IFT81: variants seen among roughly 807,000 people sequenced by gnomAD.
IFT81 encodes intraflagellar transport protein 81 homolog.
A neutral mutation model predicts 102.6 loss-of-function variants in IFT81; 72 were observed. The observed-to-expected ratio is 0.70, with a 90% confidence interval of 0.58 to 0.85. The LOEUF (loss-of-function observed/expected upper bound fraction) is 0.85, where lower values mean the gene tolerates loss of function less well. Among genes scored for constraint, IFT81 ranks in the 40% least tolerant of loss-of-function variants. IFT81 has a pLI of 0.00. For missense variants in IFT81, 723 were observed against 787.3 expected, an observed-to-expected ratio of 0.92 and a Z score of 0.98; for synonymous variants, 237 against 242.7, an observed-to-expected ratio of 0.98 and a Z score of 0.22.
Position 110,163,082 on chromosome 12 carries a change from C to G in IFT81, c.1188+17C>G, listed in dbSNP as rs202050569. ...GGAGATGAGGTAAGCTGAGCCATCTCATGGGACAAGGGTATGAGTATTGTT... is the reference window on the plus strand; with the variant it reads ...GGAGATGAGGTAAGCTGAGCCATCTGATGGGACAAGGGTATGAGTATTGTT... On this transcript the variant is annotated intron_variant, in intron 11 of 18. Coordinates refer to ENST00000242591, the MANE Select transcript of IFT81 (RefSeq NM_014055.4). 2.1e-4 allele frequency: 340 copies of G among 1,609,450 alleles called. 1 individual carries two copies. The highest frequency in any genetic ancestry group is 3.3e-4 in the Middle Eastern group (2 of 6,050).
chr12:110,203,666 A>G (rs1308213402), intron 14 of IFT81, 198 bp from the exon 15 acceptor site: 4 of 594,500 alleles, frequency 6.7e-6, no homozygotes, highest in African/African-American at 1.8e-5. Flanking sequence ...ACACAGCTCA[A>G]TACATGGTAG....
chr12:110,143,496 T>C lies in IFT81; in HGVS notation c.896T>C (p.Val299Ala). 6.4e-7 allele frequency: 1 copy of C among 1,551,276 alleles called. No homozygotes were observed. Among genetic ancestry groups the C allele is most frequent in the African/African-American group, 1.4e-5 (1 of 70,864 alleles). The change falls in exon 9 of 19, where the codon GTT becomes GCT. Residue 299 changes from valine (V) to alanine (A), a missense_variant. Val to Ala is a moderately conservative substitution (Grantham distance 64). Coordinates refer to ENST00000242591, the MANE Select transcript of IFT81 (RefSeq NM_014055.4). ...GAATTACATTTTTTACAAAAAGTAG[T>C]TTCAGAGCCAGCTATGGGCCATTCT... ...KKELHFLQKVVSEPAMGHSDL... is the reference protein window; with the variant it reads ...KKELHFLQKVASEPAMGHSDL...
At chr12:110,131,140 A>C (rs567523703) in intron 4 of IFT81, among the ~76,000 whole-genome samples, 1 of 152,016 alleles carries the variant, frequency 6.6e-6, no homozygotes, top group Non-Finnish European at 1.5e-5. Context: ...AAATTAGCCC[A>C]GCATGGTGAC....
At chr12:110,202,385 A>C (rs904936693) in intron 14 of IFT81, among the ~76,000 whole-genome samples, 1 of 152,222 alleles carries the variant, frequency 6.6e-6, no homozygotes, top group African/African-American at 2.4e-5. Context: ...TAAAGAAAAC[A>C]AAATTTAAAT....
intron 14 of IFT81, among the ~76,000 whole-genome samples, chr12:110,194,216 G>C (rs374230907): frequency 6.6e-6 from 1 of 152,126 alleles, no homozygotes; most frequent in Non-Finnish European, 1.5e-5. Context: ...ACAGTTTGAC[G>C]TGAGATTTGG....
intron 15 of IFT81, chr12:110,204,582 T>C (rs746933796): frequency 2.0e-5 from 3 of 152,986 alleles, no homozygotes; most frequent in Non-Finnish European, 4.4e-5. Flanking sequence ...GCCAAGCTTG[T>C]TTTCACTTTG....
intron 12 of IFT81, 126 bp downstream of exon 12, chr12:110,180,697 T>A: frequency 1.6e-6 from 1 of 607,064 alleles, no homozygotes; most frequent in Non-Finnish European, 2.6e-6. Flanking sequence ...TCTGATTAAT[T>A]ACAGACATGA....
chr12:110,159,442 G>A (rs190190812), intron 10 of IFT81, among the ~76,000 whole-genome samples: 145 of 152,242 alleles, frequency 9.5e-4, no homozygotes, highest in African/African-American at 3.3e-3. Context: ...CCTGAGTGAT[G>A]GAGCCAGATC....
intron 4 of IFT81, among the ~76,000 whole-genome samples, chr12:110,130,278 A>T (rs1299316859): frequency 6.6e-6 from 1 of 152,126 alleles, no homozygotes; most frequent in African/African-American, 2.4e-5. Context: ...GAAATAGAGA[A>T]GTGTAAATGT....
intron 8 of IFT81, among the ~76,000 whole-genome samples, chr12:110,141,636 T>C (rs1894896956): frequency 6.6e-6 from 1 of 152,134 alleles, no homozygotes; most frequent in African/African-American, 2.4e-5. Context: ...TCCCAGCACT[T>C]TGGGAGGCCC....
intron 17 of IFT81, among the ~76,000 whole-genome samples, chr12:110,206,675 TAAAAAAAAAA>T (rs551478493): frequency 7.7e-6 from 1 of 129,034 alleles, no homozygotes; most frequent in African/African-American, 2.9e-5. Flanking sequence ...ACTCTGTCTT[TAAAAAAAAAA>T]AAAAAAAAAA....
chr12:110,159,515 C>G (rs950374547), intron 10 of IFT81, among the ~76,000 whole-genome samples: 2 of 152,190 alleles, frequency 1.3e-5, no homozygotes, highest in African/African-American at 4.8e-5. Flanking sequence ...TGTGTCATCA[C>G]TTTCTAAATT....
At chr12:110,179,388 T>C (rs1593342314) in intron 11 of IFT81, among the ~76,000 whole-genome samples, 3 of 152,176 alleles carry the variant, frequency 2.0e-5, no homozygotes, top group East Asian at 3.9e-4. Context: ...CTAATCCTTA[T>C]TTGTAAAGTC....
At chr12:110,131,505 C>G (rs2137305040) in intron 4 of IFT81, among the ~76,000 whole-genome samples, 1 of 152,012 alleles carries the variant, frequency 6.6e-6, no homozygotes, top group African/African-American at 2.4e-5. Context: ...CGCCACTGTG[C>G]CCAGCTAATT....
intron 12 of IFT81, among the ~76,000 whole-genome samples, chr12:110,182,867 G>A (rs1897364093): frequency 6.6e-6 from 1 of 152,152 alleles, no homozygotes; most frequent in Admixed American, 6.5e-5. Context: ...TGGGGATCAT[G>A]GTTCGTGGTG....
At chr12:110,132,092 A>G (rs1463497870) in intron 4 of IFT81, among the ~76,000 whole-genome samples, 1 of 152,202 alleles carries the variant, frequency 6.6e-6, no homozygotes, top group Non-Finnish European at 1.5e-5. Flanking sequence ...ATAAATGTAT[A>G]AGGATGTGTT....
At chr12:110,152,535 G>T (rs1397124084) in intron 10 of IFT81, among the ~76,000 whole-genome samples, 1 of 151,742 alleles carries the variant, frequency 6.6e-6, no homozygotes, top group Non-Finnish European at 1.5e-5. Flanking sequence ...TATATATTTT[G>T]GATGTTAACC....
intron 12 of IFT81, among the ~76,000 whole-genome samples, chr12:110,185,270 C>G (rs1156456369): frequency 1.3e-5 from 2 of 152,114 alleles, no homozygotes; most frequent in Non-Finnish European, 1.5e-5. Flanking sequence ...ACAGCAACCT[C>G]CGCCCCCTAG....
chr12:110,216,371 T>C (rs1158017442), intron 18 of IFT81, among the ~76,000 whole-genome samples: 1 of 152,100 alleles, frequency 6.6e-6, no homozygotes, highest in East Asian at 1.9e-4. Context: ...TTTTTAATTT[T>C]TATTTTTGTA....
Sources: gnomAD v4.1 joint callset for allele counts (sites outside exome capture counted in the v4.1 genomes callset) on GRCh38, gnomAD v4.1.1 for gene constraint, MANE v1.5 for transcripts, NCBI Gene and HGNC (gene_info 2026-07-23, HGNC 2026-07-21) for gene names.